Variants in MYOM1 observed in about 807,000 individuals in gnomAD.
MYOM1 encodes myomesin-1.
Under a neutral mutation model 205.3 loss-of-function variants are expected in MYOM1, and 164 were observed. The ratio of observed to expected loss-of-function variants is 0.80; its 90% CI spans 0.70 to 0.91. The LOEUF (loss-of-function observed/expected upper bound fraction) is 0.91. MYOM1 is among the 40% of genes least tolerant of loss of function. The pLI, the probability that MYOM1 is intolerant of heterozygous loss-of-function variation, is 0.00. For synonymous variants in MYOM1, 772 were observed against 789.4 expected (o/e 0.98, Z 0.37); for missense variants, 2,011 against 2,127.3 (o/e 0.95, Z 1.08).
At chr18:3,069,957 T>C (rs2078941115) in intron 37 of MYOM1, among the ~76,000 whole-genome samples, 1 of 152,164 alleles carries the variant, frequency 6.6e-6, no homozygotes, top group Non-Finnish European at 1.5e-5. Context: ...ACCGTGATCA[T>C]ATTTTCCAAC....
At chr18:3,157,089 C>T (rs1567940018) in intron 10 of MYOM1, among the ~76,000 whole-genome samples, 1 of 152,176 alleles carries the variant, frequency 6.6e-6, no homozygotes, top group Non-Finnish European at 1.5e-5. Flanking sequence ...AACCTCTAGC[C>T]ATGTCCTTTT....
chr18:3,173,612 G>A (rs1036370246), intron 8 of MYOM1, among the ~76,000 whole-genome samples: 2 of 146,012 alleles, frequency 1.4e-5, no homozygotes, highest in Non-Finnish European at 3.0e-5. Flanking sequence ...GTGTGTGTGT[G>A]TGTGTGTTTG....
At chr18:3,156,653 T>C (rs1416582305) in intron 10 of MYOM1, among the ~76,000 whole-genome samples, 4 of 151,406 alleles carry the variant, frequency 2.6e-5, no homozygotes, top group Admixed American at 2.0e-4. Context: ...TCACCCAGGC[T>C]GGAGGGCAGA....
At chr18:3,076,316 T>C (rs370341437) in intron 34 of MYOM1, among the ~76,000 whole-genome samples, 4 of 152,096 alleles carry the variant, frequency 2.6e-5, no homozygotes, top group Non-Finnish European at 4.4e-5. Flanking sequence ...GATTTGCCCG[T>C]CTCGGCCTCC....
At chr18:3,119,111 A>G (rs2079648818) in intron 20 of MYOM1, among the ~76,000 whole-genome samples, 1 of 152,056 alleles carries the variant, frequency 6.6e-6, no homozygotes, top group African/African-American at 2.4e-5. Flanking sequence ...AAGCAAGGTA[A>G]GTTTCCCCCA....
At chr18:3,177,510 TGCCCAG>T (rs2080663707) in intron 5 of MYOM1, among the ~76,000 whole-genome samples, 1 of 150,910 alleles carries the variant, frequency 6.6e-6, no homozygotes, top group South Asian at 2.1e-4. Flanking sequence ...TCACTCTTGT[TGCCCAG>T]GCTGGAGTGC....
the MYOM1 span, among the ~76,000 whole-genome samples, chr18:3,244,270 G>A: frequency 6.6e-6 from 1 of 152,082 alleles, no homozygotes; most frequent in Admixed American, 6.5e-5. Context: ...TGCAATAGTG[G>A]ATCATAAGCT....
rs730880167 is a variant in MYOM1 at position 3,083,991 on chromosome 18, A to G, written c.4376T>C (p.Ile1459Thr). 6.3e-7 allele frequency: 1 copy of G among 1,588,338 alleles called. No homozygotes were observed. Among genetic ancestry groups the G allele is most frequent in the African/African-American group, 1.3e-5 (1 of 74,610 alleles). Reference protein sequence around the residue: ...KELMMEVCKKIALSATDLKIQ... With the variant: ...KELMMEVCKKTALSATDLKIQ... The stretch of plus-strand genomic sequence containing the variant: ...GTGGTGCGAAATGTTTGACTCACCT[A>G]TTTTTTTGCATACTTCCATCATCAG... Residue 1459 changes from isoleucine (I) to threonine (T), a missense_variant and splice_region_variant, in exon 32 of 38, where the codon ATA (isoleucine) becomes ACA (threonine). Physicochemically the swap from Ile to Thr is moderately conservative, Grantham distance 89. Transcript: ENST00000356443.
chr18:3,082,483 G>C (rs972604686), intron 33 of MYOM1, among the ~76,000 whole-genome samples: 1 of 152,180 alleles, frequency 6.6e-6, no homozygotes, highest in African/African-American at 2.4e-5. Context: ...GCTTTGAGCA[G>C]TGCCCCCCAT....
At chr18:3,244,854 G>A in the MYOM1 span, among the ~76,000 whole-genome samples, 1 of 151,398 alleles carries the variant, frequency 6.6e-6, no homozygotes, top group South Asian at 2.1e-4. Context: ...AGCTGAGATC[G>A]TGCCACTGCA....
chr18:3,072,000 T>A (rs2078963617), intron 36 of MYOM1, 111 bp from the exon 37 acceptor site: 1 of 928,878 alleles, frequency 1.1e-6, no homozygotes, highest in Admixed American at 2.0e-5. Context: ...CTCCTGATAG[T>A]TCTTTTATAC....
At chr18:3,245,825 T>A in the MYOM1 span, 1 of 152,206 alleles carries the variant, frequency 6.6e-6, no homozygotes, top group Non-Finnish European at 1.5e-5. Context: ...CCCAGACAAG[T>A]TTACGCTTCG....
intron 33 of MYOM1, among the ~76,000 whole-genome samples, chr18:3,083,427 CTTTTTTTT>C (rs35959808): frequency 1.0e-5 from 1 of 98,526 alleles, no homozygotes; most frequent in Admixed American, 1.3e-4. Context: ...TTTTCTTTTT[CTTTTTTTT>C]TTTTTTTTTT....
chr18:3,067,608 C>G (rs927313353), intron 37 of MYOM1, 53 bp from the exon 38 acceptor site: 12 of 1,560,862 alleles, frequency 7.7e-6, no homozygotes, highest in African/African-American at 2.7e-5. Context: ...GTAATAGACA[C>G]ACTGTCAACA....
At position 3,070,430 on chromosome 18, in the gene MYOM1, C is replaced by A. The variant is rs561568354; in HGVS notation, c.4764+1404G>T. 9.6e-4 allele frequency among the ~76,000 whole-genome samples: 146 copies of A among 152,188 alleles called. 2 individuals carry two copies. The highest frequency in any genetic ancestry group is 3.3e-3 in the African/African-American group (139 of 41,524). ...GCCTCCCAAAGTGCTGGTTTACAGGCATGAGCCACTGCACCCAGTGGCTGT... is the reference window on the plus strand; with the variant it reads ...GCCTCCCAAAGTGCTGGTTTACAGGAATGAGCCACTGCACCCAGTGGCTGT... On this transcript the variant is annotated intron_variant, in intron 37 of 37. Transcript: ENST00000356443.
intron 14 of MYOM1, among the ~76,000 whole-genome samples, chr18:3,139,999 G>C (rs772139662): frequency 1.3e-5 from 2 of 152,172 alleles, no homozygotes; most frequent in African/African-American, 2.4e-5. Flanking sequence ...AGGTTATTCA[G>C]AACCTTCTTC....
At chr18:3,207,607 A>G (rs1174952438) in intron 2 of MYOM1, among the ~76,000 whole-genome samples, 1 of 152,180 alleles carries the variant, frequency 6.6e-6, no homozygotes, top group African/African-American at 2.4e-5. Flanking sequence ...GGGAAACCTC[A>G]AGCCTGTTGC....
chr18:3,128,831 C>T (rs1334514599), intron 18 of MYOM1, among the ~76,000 whole-genome samples: 1 of 152,176 alleles, frequency 6.6e-6, no homozygotes, highest in Non-Finnish European at 1.5e-5. Flanking sequence ...ATGTCACCTT[C>T]TTTGTGAGAT....
rs773694292 is a variant in MYOM1, at chr18:3,164,462, C to A, written c.1340-23G>T. The A allele has an allele frequency of 1.0e-5, 16 of 1,558,460 alleles. No individual in the cohort carries two copies. In the African/African-American group the frequency reaches 1.5e-4, roughly 15 times the overall value. On this transcript the variant is annotated intron_variant, in intron 9 of 37. Coordinates refer to ENST00000356443, the MANE Select transcript of MYOM1 (RefSeq NM_003803.4). ...CTCCTAGAAATATTTTAAAAGTAAG[C>A]AAATTAACTTATTTTTGTTTTATAA... is the stretch of plus-strand genomic sequence containing the variant.
Sources: gnomAD v4.1 joint callset for allele counts (sites outside exome capture counted in the v4.1 genomes callset) on GRCh38, gnomAD v4.1.1 for gene constraint, MANE v1.5 for transcripts, NCBI Gene and HGNC (gene_info 2026-07-23, HGNC 2026-07-21) for gene names.